The following CRISP1 variants were observed in gnomAD, a reference collection of about 807,000 sequenced individuals.
The protein encoded by CRISP1 is cysteine rich secretory protein 1, also known as cysteine-rich secretory protein 1.
A neutral mutation model predicts 33.1 loss-of-function variants in CRISP1; 44 were observed. The observed-to-expected ratio is 1.33, with a 90% CI of 1.05 to 1.71. CRISP1 has a LOEUF of 1.71. Ranked by LOEUF, CRISP1 falls within the 40% of genes most tolerant of loss-of-function variation. CRISP1 has a pLI of 0.00. For missense variants in CRISP1, 390 were observed against 301.2 expected, an observed-to-expected ratio of 1.29 and a Z score of -2.18; for synonymous variants, 103 against 98.7, an observed-to-expected ratio of 1.04 and a Z score of -0.26.
At chr6:49,843,105 G>A (rs1453845795) in intron 5 of CRISP1, among the ~76,000 whole-genome samples, 3 of 152,156 alleles carry the variant, frequency 2.0e-5, no homozygotes, top group Non-Finnish European at 4.4e-5. Context: ...GATAAAATTA[G>A]TGTGTTAGTT....
chr6:49,865,934 C>A (rs1380269208), intron 1 of CRISP1, among the ~76,000 whole-genome samples: 1 of 152,208 alleles, frequency 6.6e-6, no homozygotes, highest in East Asian at 1.9e-4. Context: ...TAGAGGCTGC[C>A]TTACAGTCTG....
In CRISP1 at chr6:49,848,183, G is replaced by T. The variant is rs750873188; in HGVS notation, c.286+26C>A. ...CTATTTTTTTTTTTTTTAGTCCAAA[G>T]GCGGGTCATATAGATACACACTTAC... On this transcript the variant is annotated intron_variant, in intron 4 of 7. Transcript: ENST00000335847. 4.6e-6 allele frequency: 6 copies of T among 1,294,054 alleles called. No homozygotes were observed. In the African/African-American group the frequency reaches 6.1e-5, roughly 13 times the overall value. 80.2% of individuals were successfully genotyped at this position (1,294,054 alleles called of 1,614,324 possible). A position where few individuals can be genotyped will look rare whatever the true frequency, so the allele number is the denominator to read the frequency against.
intron 6 of CRISP1, 143 bp from the exon 7 acceptor site, chr6:49,838,668 G>A: frequency 3.3e-6 from 2 of 598,134 alleles, no homozygotes; most frequent in Non-Finnish European, 2.9e-6. Flanking sequence ...ATGGGTGTGA[G>A]ATTTCCAATC....
chr6:49,864,914 C>T (rs1352598301), intron 1 of CRISP1, among the ~76,000 whole-genome samples: 1 of 152,012 alleles, frequency 6.6e-6, no homozygotes, highest in Non-Finnish European at 1.5e-5. Context: ...ATAAATCTAG[C>T]TAATTTTTAT....
At position 49,846,564 on chromosome 6, in the gene CRISP1, A is replaced by G. The variant is rs527254619; in HGVS notation, c.391T>C (p.Trp131Arg). The stretch of plus-strand genomic sequence containing the variant: ...GTTATGTCATCATCCGTTGTTGTCC[A>G]TTCTCCATGTTTGAAACTTGTAGAC... ...SESTSFKHGEWTTTDDDITTD... is the reference protein window; with the variant it reads ...SESTSFKHGERTTTDDDITTD... Residue 131 changes from tryptophan (W) to arginine (R), a missense_variant, in exon 5 of 8, where the codon TGG (tryptophan) becomes CGG (arginine). Physicochemically the swap from Trp to Arg is moderately radical, Grantham distance 101. Transcript: ENST00000335847. 4 of 1,613,642 alleles carry G rather than the reference A, an allele frequency of 2.5e-6. No individual in the cohort carries two copies. The highest frequency in any genetic ancestry group is 3.4e-6 in the Non-Finnish European group (4 of 1,179,736).
chr6:49,858,771 T>C (rs1771564693), intron 1 of CRISP1, among the ~76,000 whole-genome samples: 3 of 151,954 alleles, frequency 2.0e-5, no homozygotes, highest in South Asian at 2.1e-4. Context: ...AACCCTGAGG[T>C]AACTGAAACA....
At chr6:49,860,062 C>A (rs1771605100) in intron 1 of CRISP1, among the ~76,000 whole-genome samples, 1 of 151,948 alleles carries the variant, frequency 6.6e-6, no homozygotes, top group South Asian at 2.1e-4. Context: ...ATCAATTCAG[C>A]AAGAGAATGT....
chr6:49,836,574 C>T (rs1270120666), intron 7 of CRISP1, among the ~76,000 whole-genome samples: 1 of 151,822 alleles, frequency 6.6e-6, no homozygotes, highest in East Asian at 1.9e-4. Flanking sequence ...CTCCTGACCT[C>T]GTGATCCGCC....
intron 6 of CRISP1, among the ~76,000 whole-genome samples, chr6:49,839,362 G>T (rs1342391043): frequency 6.6e-6 from 1 of 150,974 alleles, no homozygotes; most frequent in South Asian, 2.1e-4. Flanking sequence ...GAGGTGGGAG[G>T]ATAGCTGGAG....
intron 2 of CRISP1, among the ~76,000 whole-genome samples, 175 bp from the exon 3 acceptor site, chr6:49,852,304 G>A (rs961845776): frequency 1.3e-5 from 2 of 152,026 alleles, no homozygotes; most frequent in African/African-American, 4.8e-5. Flanking sequence ...TACTAATTTT[G>A]AGGATTTCTC....
chr6:49,873,393 T>C (rs972571970), intron 1 of CRISP1, among the ~76,000 whole-genome samples: 3 of 152,088 alleles, frequency 2.0e-5, no homozygotes, highest in Non-Finnish European at 4.4e-5. Flanking sequence ...AATGATTAAA[T>C]ATTATGAATC....
chr6:49,868,461 A>T (rs1347417063), upstream of CRISP1, among the ~76,000 whole-genome samples: 1 of 152,168 alleles, frequency 6.6e-6, no homozygotes, highest in Non-Finnish European at 1.5e-5. Flanking sequence ...CAATCACATC[A>T]TGTTTGTCTG....
In CRISP1 at chr6:49,872,367, G is replaced by A. The variant is rs572919309; in HGVS notation, c.-3+4642C>T. 2.7e-3 allele frequency among the ~76,000 whole-genome samples: 416 copies of A among 152,120 alleles called. 3 individuals are homozygous for A. The highest frequency in any genetic ancestry group is 9.6e-3 in the African/African-American group (397 of 41,492). On this transcript the variant is annotated intron_variant, in intron 1 of 7. Coordinates refer to the CRISP1 transcript ENST00000505118. ...TTGTAGGTTGCCTGTTCATTCTGAT[G>A]GTAGTTTCTTTTGCTGTGCAGAAGC... is the stretch of plus-strand genomic sequence containing the variant.
intron 2 of CRISP1, among the ~76,000 whole-genome samples, chr6:49,852,492 C>A (rs573913589): frequency 1.1e-3 from 165 of 152,288 alleles, no homozygotes; most frequent in African/African-American, 3.8e-3. Flanking sequence ...TTATTCTCCA[C>A]ATCTCCCACC....
In CRISP1 at chr6:49,873,024, T is replaced by C. The variant is rs142900216; in HGVS notation, c.-3+3985A>G. Among the ~76,000 whole-genome samples the C allele has an allele frequency of 2.5e-3, 373 of 152,230 alleles. 3 individuals are homozygous for C. Among genetic ancestry groups the C allele is most frequent in the African/African-American group, 8.5e-3 (353 of 41,568 alleles). On this transcript the variant is annotated intron_variant, in intron 1 of 7. Coordinates refer to the CRISP1 transcript ENST00000505118. ...CCATTTTCATGATATTGATTCTTCC[T>C]ACCCATGAGCATGGAATGATAGCAT...
upstream of CRISP1, among the ~76,000 whole-genome samples, chr6:49,870,080 G>A (rs1338914112): frequency 6.6e-6 from 1 of 152,138 alleles, no homozygotes; most frequent in Non-Finnish European, 1.5e-5. Flanking sequence ...ACATTACCCA[G>A]TCTAAGGTAT....
rs1289453206 is a variant in CRISP1, at chr6:49,835,149, T to G, written c.*167A>C. On this transcript the variant is annotated 3_prime_UTR_variant, in exon 8 of 8. Coordinates refer to ENST00000335847, the MANE Select transcript of CRISP1 (RefSeq NM_001131.3). ...CCTTTTACTCCAGCACTAAGAAAGT[T>G]TAAAACAGTGTTACTTCAGGATGTA... is the stretch of plus-strand genomic sequence containing the variant. 1 of 626,696 alleles carries G rather than the reference T, an allele frequency of 1.6e-6. No homozygotes were observed. Among genetic ancestry groups the G allele is most frequent in the Non-Finnish European group, 2.6e-6 (1 of 384,582 alleles). The allele number at this position is 626,696 out of a possible 1,614,324, so 38.8% of individuals were successfully genotyped here. A position where few individuals can be genotyped will look rare whatever the true frequency, so the allele number is the denominator to read the frequency against.
At chr6:49,866,643 C>T (rs896671283), upstream of CRISP1, 1 of 152,102 alleles carries the variant, frequency 6.6e-6, no homozygotes, top group African/African-American at 2.4e-5. Context: ...GTGAAGATTA[C>T]AAATCATGAT....
intron 7 of CRISP1, 116 bp from the exon 8 acceptor site, chr6:49,835,559 A>C (rs1770760290): frequency 4.1e-6 from 4 of 983,158 alleles, no homozygotes; most frequent in Admixed American, 5.2e-5. Flanking sequence ...TTGCTAACTA[A>C]ATTTAATTAG....
Sources: allele counts gnomAD v4.1 joint callset (sites outside exome capture counted in the v4.1 genomes callset), GRCh38; gene constraint gnomAD v4.1.1; transcripts MANE v1.5; gene names NCBI Gene and HGNC (gene_info 2026-07-23, HGNC 2026-07-21).